The following POLE variants were observed in gnomAD, a reference collection of about 807,000 sequenced individuals.
POLE encodes the protein DNA polymerase epsilon catalytic subunit A.
POLE carries 188 observed loss-of-function variants against 279.2 expected under a neutral mutation model. The observed-to-expected ratio is 0.67, with a 90% confidence interval of 0.60 to 0.76. The LOEUF is 0.76. Ranked by LOEUF, POLE falls within the 30% of genes least tolerant of loss-of-function variation. The pLI, the probability that POLE is intolerant of heterozygous loss-of-function variation, is 0.00. For missense variants in POLE, 2,703 were observed against 3,016.7 expected, an observed-to-expected ratio of 0.90 and a Z score of 2.44; for synonymous variants, 1,214 against 1,172.5, an observed-to-expected ratio of 1.04 and a Z score of -0.72.
At chr12:132,676,311 G>A (rs142037540) in intron 9 of POLE, 107 bp from the exon 10 acceptor site, 4 of 806,660 alleles carry the variant, frequency 5.0e-6, no homozygotes, top group Non-Finnish European at 8.3e-6. Context: ...CTACAAAGAA[G>A]TCCACAGCAA....
chr12:132,633,745 A>T (rs958531864), intron 43 of POLE: 2 of 158,588 alleles, frequency 1.3e-5, no homozygotes, highest in Admixed American at 1.3e-4. Flanking sequence ...ACCAAGGCAT[A>T]GGAACTCCCC....
At chr12:132,645,225 G>T (rs1426148500) in intron 32 of POLE, among the ~76,000 whole-genome samples, 1 of 128,166 alleles carries the variant, frequency 7.8e-6, no homozygotes, top group Non-Finnish European at 1.7e-5. Context: ...GTGGGGTCCT[G>T]GGGGGTCTGG....
chr12:132,644,798 C>T (rs2042240311), intron 32 of POLE, among the ~76,000 whole-genome samples: 1 of 55,630 alleles, frequency 1.8e-5, no homozygotes, highest in Non-Finnish European at 3.4e-5. Flanking sequence ...CTGGGGGGGT[C>T]TGGGAGAGCT....
chr12:132,643,295 G>C lies in POLE; in HGVS notation c.4480C>G (p.Gln1494Glu), dbSNP rs1443837551. The C allele has an allele frequency of 8.7e-6, 14 of 1,613,896 alleles. No individual in the cohort carries two copies. Among genetic ancestry groups the C allele is most frequent in the Non-Finnish European group, 1.2e-5 (14 of 1,180,046 alleles). Reference protein sequence around the residue: ...IRHIYLYHHAQAHKALFGIFI... With the variant: ...IRHIYLYHHAEAHKALFGIFI... ...ATCCCGAAGAGCGCTTTGTGGGCCTGTGCGTGGTGGTACAGGTAGATATGG... is the reference window on the plus strand; with the variant it reads ...ATCCCGAAGAGCGCTTTGTGGGCCTCTGCGTGGTGGTACAGGTAGATATGG... Residue 1494 changes from glutamine (Q) to glutamate (E), a missense_variant, in exon 35 of 49, where the codon CAG becomes GAG. By Grantham distance (29) the Gln-to-Glu change is conservative. Around this residue, in one of 5 missense-constraint regions of POLE, gnomAD observed 1,551 missense variants for 1,686.1 expected, o/e 0.92. Transcript: ENST00000320574.
chr12:132,627,355 G>A (rs1278529986), intron 45 of POLE, among the ~76,000 whole-genome samples: 1 of 152,046 alleles, frequency 6.6e-6, no homozygotes, highest in Non-Finnish European at 1.5e-5. Context: ...ATGGACTGCA[G>A]TGGCACAATC....
At chr12:132,665,093 T>G (rs367691391) in intron 21 of POLE, among the ~76,000 whole-genome samples, 1 of 151,860 alleles carries the variant, frequency 6.6e-6, no homozygotes, top group African/African-American at 2.4e-5. Context: ...ACAGCACGCA[T>G]CACTCATGGA....
Position 132,624,577 on chromosome 12 carries a change from T to C in POLE, c.*120A>G. 2 of 742,108 alleles carry C rather than the reference T, an allele frequency of 2.7e-6. No individual in the cohort carries two copies. Among genetic ancestry groups the C allele is most frequent in the South Asian group, 2.9e-5 (2 of 68,912 alleles). The allele number at this position is 742,108 out of a possible 1,614,324, so 46.0% of individuals were successfully genotyped here. On this transcript the variant is annotated 3_prime_UTR_variant, in exon 49 of 49. Coordinates refer to ENST00000320574, the MANE Select transcript of POLE (RefSeq NM_006231.4). ...TTGGTTTCCTCCCCGTTCCCTGGCC[T>C]GGGGTCACAGGTTTGGACAGTCAGG...
At position 132,663,956 on chromosome 12, in the gene POLE, C is replaced by A. The variant is rs775155123; in HGVS notation, c.2706+48G>T. The stretch of plus-strand genomic sequence containing the variant: ...CTGCAGAGCCAGTGACATCAGGGCA[C>A]TGACGCCAGGCCAGCCAGAGCTTCA... On this transcript the variant is annotated intron_variant, in intron 23 of 48. Coordinates refer to ENST00000320574, the MANE Select transcript of POLE (RefSeq NM_006231.4). 1.9e-6 allele frequency: 3 copies of A among 1,609,866 alleles called. No individual in the cohort carries two copies. The Admixed American group carries it at 5.0e-5, about 27-fold the overall frequency.
chr12:132,645,444 A>C (rs2042261406), intron 32 of POLE, among the ~76,000 whole-genome samples: 1 of 152,192 alleles, frequency 6.6e-6, no homozygotes, highest in South Asian at 2.1e-4. Context: ...ATGAACCAGC[A>C]GCACAAGTCC....
At chr12:132,685,896 CAG>C (rs2043249731) in intron 1 of POLE, among the ~76,000 whole-genome samples, 1 of 150,906 alleles carries the variant, frequency 6.6e-6, no homozygotes, top group Admixed American at 6.6e-5. Flanking sequence ...TTTTTTGAGA[CAG>C]AGTTTCATTC....
intron 1 of POLE, 63 bp downstream of exon 1, chr12:132,687,191 G>T: frequency 1.8e-6 from 2 of 1,112,406 alleles, no homozygotes; most frequent in South Asian, 2.3e-5. Context: ...GGCGCCAGCC[G>T]AGGACGGCCC....
intron 26 of POLE, chr12:132,658,229 T>C (rs1271799174): frequency 9.4e-6 from 4 of 425,144 alleles, no homozygotes; most frequent in South Asian, 2.4e-5. Context: ...TGGGCATGCA[T>C]ATACATAAAC....
In POLE at chr12:132,632,326, A is replaced by G. The variant is rs774838300; in HGVS notation, c.6319T>C (p.Tyr2107His). 1.7e-5 allele frequency: 27 copies of G among 1,613,782 alleles called. No individual in the cohort carries two copies. ...GCTGGCACTCTCACCTTGCACACGT[A>G]TTTGATGAACTCCAGGGCAGGGTTA... ...LNNPALEFIK[Y>H]VCKVLSLDTN... The change falls in exon 45 of 49, where the codon TAC (tyrosine) becomes CAC (histidine). Residue 2107 changes from tyrosine to histidine, a missense_variant. By Grantham distance (83) the Tyr-to-His change is moderately conservative. Transcript: ENST00000320574.
At position 132,675,689 on chromosome 12, in the gene POLE, C is replaced by A. The variant is rs2043032237; in HGVS notation, c.1106+46G>T. ...CGCCCCTGCACCACGCAACGCCCTC[C>A]CTCTCAAATGCTGCCCAGTTACTCA... On this transcript the variant is annotated intron_variant, in intron 11 of 48. Coordinates refer to ENST00000320574, the MANE Select transcript of POLE (RefSeq NM_006231.4). The surrounding 1 kb of genome is among the most constrained non-coding windows in gnomAD (Gnocchi z 4.3). 2 of 1,582,330 alleles carry A rather than the reference C, an allele frequency of 1.3e-6. No homozygotes were observed. Among genetic ancestry groups the A allele is most frequent in the Non-Finnish European group, 1.7e-6 (2 of 1,151,522 alleles).
intron 1 of POLE, among the ~76,000 whole-genome samples, chr12:132,685,639 G>C (rs2043242182): frequency 6.6e-6 from 1 of 152,254 alleles, no homozygotes; most frequent in African/African-American, 2.4e-5. Flanking sequence ...GTGGAGTGGA[G>C]CACGTGAGTG....
At chr12:132,625,047 G>T (rs1566307415) in intron 47 of POLE, 53 bp from the exon 48 acceptor site, 3 of 1,353,930 alleles carry the variant, frequency 2.2e-6, no homozygotes, top group South Asian at 1.2e-5. Context: ...GGCCAGACCT[G>T]CCTGCTGCTT....
intron 29 of POLE, among the ~76,000 whole-genome samples, chr12:132,652,314 CTT>C (rs11449205): frequency 0.074 from 8,282 of 111,226 alleles, 317 homozygotes; most frequent in East Asian, 0.098. Context: ...TTGTAGTTTC[CTT>C]TTTTTTTTTT....
chr12:132,641,952 C>T, intron 38 of POLE, 101 bp from the exon 39 acceptor site: 1 of 1,159,000 alleles, frequency 8.6e-7, no homozygotes, highest in South Asian at 1.3e-5. Flanking sequence ...GAACCAGCAA[C>T]AGACCTGCCC....
In POLE at chr12:132,643,982, C is replaced by T. The variant is rs771624962; in HGVS notation, c.4150-5G>A. ...GCGAGGAAGGACCCGATTTACCTGG[C>T]GAGAATACGACGATGATCTCGTCAC... On this transcript the variant is annotated splice_region_variant and splice_polypyrimidine_tract_variant and intron_variant, in intron 32 of 48. Transcript: ENST00000320574. The T allele has an allele frequency of 8.1e-6, 13 of 1,611,466 alleles. No homozygotes were observed. The highest frequency in any genetic ancestry group is 3.3e-5 in the Admixed American group (2 of 59,922).
Sources: allele counts gnomAD v4.1 joint callset (sites outside exome capture counted in the v4.1 genomes callset), GRCh38; gene constraint gnomAD v4.1.1; regional missense constraint gnomAD v4.1.1; non-coding constraint Gnocchi (gnomAD v3.1); transcripts MANE v1.5; gene names NCBI Gene and HGNC (gene_info 2026-07-23, HGNC 2026-07-21).